The following LRRC4C variants were observed in gnomAD, a reference collection of about 807,000 sequenced individuals.
LRRC4C encodes leucine-rich repeat-containing protein 4C.
In LRRC4C, 5 loss-of-function variants were observed where a neutral mutation model predicts 33.6. That is an observed-to-expected ratio of 0.15 (90% CI 0.08 to 0.31). LRRC4C has a LOEUF of 0.31. LRRC4C is among the 10% of genes least tolerant of loss of function. The pLI, the probability that LRRC4C is intolerant of heterozygous loss-of-function variation, is 1.00. For missense variants in LRRC4C, 560 were observed against 796.7 expected, an observed-to-expected ratio of 0.70 and a Z score of 3.58; for synonymous variants, 329 against 302.0, an observed-to-expected ratio of 1.09 and a Z score of -0.93.
At chr11:41,051,799 G>T (rs573099216) in intron 1 of LRRC4C, among the ~76,000 whole-genome samples, 1 of 152,080 alleles carries the variant, frequency 6.6e-6, no homozygotes, top group South Asian at 2.1e-4. Context: ...CACCACCACT[G>T]AATATGCCTC....
At chr11:40,801,182 A>G (rs1224612722) in intron 2 of LRRC4C, among the ~76,000 whole-genome samples, 1 of 152,160 alleles carries the variant, frequency 6.6e-6, no homozygotes, top group African/African-American at 2.4e-5. Context: ...CCTCTTATTA[A>G]AATTACTTAT....
At chr11:41,064,491 C>T (rs1352508821) in intron 1 of LRRC4C, among the ~76,000 whole-genome samples, 7 of 152,198 alleles carry the variant, frequency 4.6e-5, no homozygotes, top group Non-Finnish European at 1.0e-4. Context: ...TACACTGGAA[C>T]AGCTGAACAT....
intron 3 of LRRC4C, among the ~76,000 whole-genome samples, chr11:40,602,089 G>A (rs1309954657): frequency 6.6e-6 from 1 of 151,690 alleles, no homozygotes; most frequent in Non-Finnish European, 1.5e-5. Flanking sequence ...CAGCTACTTG[G>A]GCGGCTGAGG....
chr11:41,098,586 C>T (rs1940965247), intron 1 of LRRC4C, among the ~76,000 whole-genome samples: 1 of 152,084 alleles, frequency 6.6e-6, no homozygotes, highest in East Asian at 1.9e-4. Flanking sequence ...AGCAAGTAAG[C>T]TTCTGTGATT....
chr11:40,808,516 T>A (rs1951346376), intron 2 of LRRC4C, among the ~76,000 whole-genome samples: 1 of 152,106 alleles, frequency 6.6e-6, no homozygotes, highest in African/African-American at 2.4e-5. Context: ...TTATATTTTA[T>A]TTTCTTCTCT....
At chr11:40,836,090 C>T (rs988679777) in intron 2 of LRRC4C, among the ~76,000 whole-genome samples, 9 of 152,262 alleles carry the variant, frequency 5.9e-5, no homozygotes, top group African/African-American at 1.7e-4. Flanking sequence ...TTAGTTATCA[C>T]GAAAATAGCA....
intron 2 of LRRC4C, among the ~76,000 whole-genome samples, chr11:40,750,545 A>G (rs1948635601): frequency 6.6e-6 from 1 of 151,040 alleles, no homozygotes; most frequent in Non-Finnish European, 1.5e-5. Flanking sequence ...TCAGCAAACT[A>G]TTGCAAGGAC....
chr11:40,192,302 T>C (rs1861909022), intron 5 of LRRC4C, among the ~76,000 whole-genome samples: 1 of 151,832 alleles, frequency 6.6e-6, no homozygotes, highest in African/African-American at 2.4e-5. Flanking sequence ...AGATAGTGGG[T>C]GCAGCCCACA....
intron 2 of LRRC4C, among the ~76,000 whole-genome samples, chr11:40,881,355 C>G (rs1444755656): frequency 6.6e-6 from 1 of 152,084 alleles, no homozygotes; most frequent in Non-Finnish European, 1.5e-5. Flanking sequence ...ACATGTCTTA[C>G]TCATTTCTGA....
intron 5 of LRRC4C, among the ~76,000 whole-genome samples, chr11:40,192,556 G>T (rs557177644): frequency 6.6e-6 from 1 of 152,260 alleles, no homozygotes; most frequent in South Asian, 2.1e-4. Context: ...CTAGTTGCAG[G>T]AGTTTTTTTT....
At chr11:41,028,355 G>A (rs1489826858) in intron 1 of LRRC4C, among the ~76,000 whole-genome samples, 1 of 151,480 alleles carries the variant, frequency 6.6e-6, no homozygotes, top group African/African-American at 2.4e-5. Context: ...TGATTAAATA[G>A]TAAGAATCTA....
intron 5 of LRRC4C, among the ~76,000 whole-genome samples, chr11:40,168,619 G>C (rs1352599466): frequency 6.6e-6 from 1 of 152,112 alleles, no homozygotes; most frequent in African/African-American, 2.4e-5. Context: ...CTTTATGAAG[G>C]GTCAGATGGG....
chr11:40,462,206 A>C (rs1468095728), intron 3 of LRRC4C, among the ~76,000 whole-genome samples: 2 of 152,102 alleles, frequency 1.3e-5, no homozygotes, highest in Non-Finnish European at 2.9e-5. Context: ...GATAAAACTA[A>C]ACATTCTTTC....
chr11:40,321,628 G>A (rs1945853550), intron 3 of LRRC4C, among the ~76,000 whole-genome samples: 1 of 152,180 alleles, frequency 6.6e-6, no homozygotes. Context: ...ACTATGAACT[G>A]TGCTATGTAT....
chr11:40,822,242 C>T (rs898746059), intron 2 of LRRC4C, among the ~76,000 whole-genome samples: 8 of 151,592 alleles, frequency 5.3e-5, no homozygotes. Context: ...TGAGTGAGAA[C>T]ATGTGATATT....
At chr11:40,823,937 T>C (rs1952048756) in intron 2 of LRRC4C, among the ~76,000 whole-genome samples, 1 of 151,840 alleles carries the variant, frequency 6.6e-6, no homozygotes, top group Non-Finnish European at 1.5e-5. Context: ...GATATAACTA[T>C]AAAAATAAAA....
intron 1 of LRRC4C, among the ~76,000 whole-genome samples, chr11:41,161,680 C>A (rs1329778556): frequency 1.3e-5 from 2 of 152,124 alleles, no homozygotes; most frequent in African/African-American, 4.8e-5. Context: ...GCTGGCTCTG[C>A]CAAAAACTCT....
At position 41,444,445 on chromosome 11, in the gene LRRC4C, C is replaced by T. The variant is rs147891441; in HGVS notation, c.-496+14986G>A. Among the ~76,000 whole-genome samples, 23 of 152,246 alleles carry T rather than the reference C, an allele frequency of 1.5e-4. No homozygotes were observed. The East Asian group carries it at 3.3e-3, about 22-fold the overall frequency. On this transcript the variant is annotated intron_variant, in intron 1 of 6. Coordinates refer to ENST00000528697, the MANE Select transcript of LRRC4C (RefSeq NM_001258419.2). ...ATACTAAATCATTTTATATAAGGAA[C>T]GTGAGCATCCATGGATTTTTGTATT...
intron 1 of LRRC4C, among the ~76,000 whole-genome samples, chr11:41,174,946 C>T (rs1565451314): frequency 6.6e-6 from 1 of 151,982 alleles, no homozygotes. Flanking sequence ...CAAACCAGAG[C>T]ATTTAATTAA....
Sources: allele counts gnomAD v4.1 joint callset (sites outside exome capture counted in the v4.1 genomes callset), GRCh38; gene constraint gnomAD v4.1.1; transcripts MANE v1.5; gene names NCBI Gene and HGNC (gene_info 2026-07-23, HGNC 2026-07-21).